The following MYH11 variants were observed in gnomAD, a reference collection of about 807,000 sequenced individuals.
MYH11 encodes the protein myosin-11.
Under a neutral mutation model 246.6 loss-of-function variants are expected in MYH11, and 80 were observed. That is an observed-to-expected ratio of 0.32 (90% CI 0.27 to 0.39). MYH11 has a LOEUF of 0.39. MYH11 is among the 10% of genes least tolerant of loss of function. The pLI, the probability that MYH11 is intolerant of heterozygous loss-of-function variation, is 1.00. For synonymous variants in MYH11, 1,071 were observed against 1,015.5 expected (o/e 1.05, Z -1.04); for missense variants, 2,158 against 2,546.8 (o/e 0.85, Z 3.29).
At chr16:15,829,917 C>T (rs1261125380) in intron 2 of MYH11, among the ~76,000 whole-genome samples, 1 of 152,092 alleles carries the variant, frequency 6.6e-6, no homozygotes, top group Non-Finnish European at 1.5e-5. Context: ...GGTGGATCAC[C>T]TGAGGTCAAG....
chr16:15,842,247 G>A lies in MYH11; in HGVS notation c.-17-3978C>T, dbSNP rs116669709. 4.0e-3 allele frequency among the ~76,000 whole-genome samples: 614 copies of A among 152,158 alleles called. 2 individuals are homozygous for A. Among genetic ancestry groups the A allele is most frequent in the African/African-American group, 0.014 (580 of 41,510 alleles). On this transcript the variant is annotated intron_variant, in intron 1 of 40. Transcript: ENST00000300036. ...CTAAAAATACGAAAAGTTGCTGGGCGTGGTAGCATGCGCCTACAATCCCAG... is the reference window on the plus strand; with the variant it reads ...CTAAAAATACGAAAAGTTGCTGGGCATGGTAGCATGCGCCTACAATCCCAG...
At chr16:15,763,662 G>T in intron 10 of MYH11, 134 bp downstream of exon 10, 1 of 782,132 alleles carries the variant, frequency 1.3e-6, no homozygotes, top group Non-Finnish European at 2.3e-6. Context: ...GAAAAAGTGA[G>T]TGATAAGAAC....
At chr16:15,710,100 C>T (rs1003483243) in intron 40 of MYH11, among the ~76,000 whole-genome samples, 1 of 152,188 alleles carries the variant, frequency 6.6e-6, no homozygotes, top group Non-Finnish European at 1.5e-5. Flanking sequence ...GACCTTCCAC[C>T]TGCATTATGT....
intron 28 of MYH11, chr16:15,725,933 C>T (rs1367748214): frequency 1.1e-5 from 4 of 371,998 alleles, no homozygotes; most frequent in Non-Finnish European, 1.9e-5. Context: ...ACAAGCTCCC[C>T]CTCCAACCCC....
intron 3 of MYH11, among the ~76,000 whole-genome samples, chr16:15,820,478 A>G (rs997447878): frequency 8.9e-6 from 1 of 112,492 alleles, no homozygotes; most frequent in African/African-American, 3.3e-5. Flanking sequence ...CCATCCGGAA[A>G]AAAAAAAAAA....
chr16:15,806,279 C>CA (rs71134463), intron 3 of MYH11, among the ~76,000 whole-genome samples: 736 of 61,106 alleles, frequency 0.012, 188 homozygotes, highest in Non-Finnish European at 0.02. Context: ...CACTCTGTCT[C>CA]AAAAAAAAAA....
chr16:15,772,278 G>T (rs1044668922), intron 8 of MYH11, among the ~76,000 whole-genome samples: 8 of 151,758 alleles, frequency 5.3e-5, no homozygotes, highest in Admixed American at 1.3e-4. Context: ...TTTTAGTAGA[G>T]ATGGGGTTTC....
chr16:15,732,210 A>C (rs1241448433), intron 27 of MYH11, among the ~76,000 whole-genome samples: 1 of 151,996 alleles, frequency 6.6e-6, no homozygotes, highest in Non-Finnish European at 1.5e-5. Context: ...TGATCCACCC[A>C]GTTTGGCCTC....
Position 15,798,702 on chromosome 16 carries a change from A to T in MYH11, c.503-15T>A. On this transcript the variant is annotated splice_polypyrimidine_tract_variant and intron_variant, in intron 3 of 40. Coordinates refer to ENST00000300036, the MANE Select transcript of MYH11 (RefSeq NM_002474.3). ...GTCCTCCCGATCTGCAAACAGAAAGAAGAAAAAAGAGCCATGAATTAAAAT... is the reference window on the plus strand; with the variant it reads ...GTCCTCCCGATCTGCAAACAGAAAGTAGAAAAAAGAGCCATGAATTAAAAT... 6.2e-7 allele frequency: 1 copy of T among 1,605,002 alleles called. No individual in the cohort carries two copies. The highest frequency in any genetic ancestry group is 8.5e-7 in the Non-Finnish European group (1 of 1,179,722).
chr16:15,847,714 A>G (rs2044232837), intron 1 of MYH11, among the ~76,000 whole-genome samples: 1 of 152,208 alleles, frequency 6.6e-6, no homozygotes, highest in African/African-American at 2.4e-5. Flanking sequence ...AAGTGCAAAG[A>G]TTCAGTCTCT....
intron 37 of MYH11, chr16:15,717,794 CAA>C (rs200605550): frequency 3.9e-6 from 1 of 253,978 alleles, no homozygotes; most frequent in Non-Finnish European, 7.7e-6. Flanking sequence ...ACCCTGTCTC[CAA>C]AAAAAAGAGG....
chr16:15,800,605 A>G (rs1399073671), intron 3 of MYH11, among the ~76,000 whole-genome samples: 2 of 146,460 alleles, frequency 1.4e-5, no homozygotes, highest in South Asian at 2.2e-4. Flanking sequence ...AGTTGGATGG[A>G]TGGATGGATG....
intron 3 of MYH11, among the ~76,000 whole-genome samples, chr16:15,820,170 C>CAATA (rs2043369713): frequency 2.6e-5 from 4 of 152,074 alleles, no homozygotes; most frequent in Non-Finnish European, 5.9e-5. Flanking sequence ...TGGTAAAGCC[C>CAATA]CATCTCTACT....
chr16:15,712,755 A>G (rs1299778583), intron 40 of MYH11: 1 of 151,746 alleles, frequency 6.6e-6, no homozygotes, highest in East Asian at 2.0e-4. Flanking sequence ...ATTAGGCCAG[A>G]GGCATGATGG....
intron 3 of MYH11, among the ~76,000 whole-genome samples, chr16:15,820,575 G>A (rs2043384929): frequency 6.6e-6 from 1 of 151,776 alleles, no homozygotes; most frequent in Admixed American, 6.6e-5. Context: ...GGCTTTGAGA[G>A]ACTTAAACAC....
At chr16:15,840,671 G>A (rs2044029011) in intron 1 of MYH11, among the ~76,000 whole-genome samples, 1 of 152,182 alleles carries the variant, frequency 6.6e-6, no homozygotes, top group South Asian at 2.1e-4. Context: ...GGTCAAGGCT[G>A]CAGTGAGTTG....
chr16:15,842,119 G>A (rs2044068261), intron 1 of MYH11, among the ~76,000 whole-genome samples: 1 of 152,208 alleles, frequency 6.6e-6, no homozygotes, highest in African/African-American at 2.4e-5. Context: ...GGGTGCAGTG[G>A]CTCATGCCTG....
intron 9 of MYH11, 97 bp downstream of exon 9, chr16:15,771,472 C>A: frequency 1.3e-4 from 136 of 1,021,526 alleles, no homozygotes; most frequent in Non-Finnish European, 1.6e-4. Flanking sequence ...GTGGGGAATT[C>A]AGAGAGCAGA....
At chr16:15,841,483 T>C (rs2044049654) in intron 1 of MYH11, among the ~76,000 whole-genome samples, 1 of 152,076 alleles carries the variant, frequency 6.6e-6, no homozygotes, top group Non-Finnish European at 1.5e-5. Flanking sequence ...GGGGTGGAAA[T>C]GTGAAAATCT....
Sources: allele counts gnomAD v4.1 joint callset (sites outside exome capture counted in the v4.1 genomes callset), GRCh38; gene constraint gnomAD v4.1.1; transcripts MANE v1.5; gene names NCBI Gene and HGNC (gene_info 2026-07-23, HGNC 2026-07-21).